Variants in RGS10 observed in about 807,000 individuals in gnomAD.
RGS10 encodes the protein regulator of G protein signaling 10.
A neutral mutation model predicts 23.5 loss-of-function variants in RGS10; 11 were observed. That is an observed-to-expected ratio of 0.47 (90% CI 0.29 to 0.77). The LOEUF (loss-of-function observed/expected upper bound fraction) is 0.77. RGS10 is among the 30% of genes least tolerant of loss of function. RGS10 has a pLI of 0.08. For synonymous variants in RGS10, 77 were observed against 83.2 expected, an observed-to-expected ratio of 0.92 and a Z score of 0.41; for missense variants, 180 against 226.3, an observed-to-expected ratio of 0.80 and a Z score of 1.31.
intron 4 of RGS10, among the ~76,000 whole-genome samples, chr10:119,501,839 A>G (rs904640936): frequency 1.8e-4 from 27 of 152,242 alleles, no homozygotes; most frequent in African/African-American, 6.3e-4. Flanking sequence ...GGAACCCTCA[A>G]ATTTTACACC....
intron 3 of RGS10, among the ~76,000 whole-genome samples, chr10:119,516,922 G>A (rs775838481): frequency 6.6e-6 from 1 of 152,190 alleles, no homozygotes; most frequent in African/African-American, 2.4e-5. Flanking sequence ...TTCTCTGAAC[G>A]TTAGAGTCTA....
chr10:119,534,783 G>A (rs572458342), intron 1 of RGS10, among the ~76,000 whole-genome samples: 5 of 151,660 alleles, frequency 3.3e-5, no homozygotes, highest in East Asian at 1.9e-4. Flanking sequence ...CCAGCTACTC[G>A]GGAGGCTGAA....
intron 4 of RGS10, 76 bp downstream of exon 4, chr10:119,515,433 T>G: frequency 6.4e-7 from 1 of 1,551,184 alleles, no homozygotes; most frequent in Non-Finnish European, 8.9e-7. Context: ...TAACATCGGG[T>G]GTTTCAGTAA....
Position 119,499,943 on chromosome 10 carries a change from T to C in RGS10, c.*170A>G, listed in dbSNP as rs1052453585. ...ATTATTATTCTTTTTTTATGTTAGC[T>C]TAGCCATCATGCAAAATTTACTGGT... is the stretch of plus-strand genomic sequence containing the variant. On this transcript the variant is annotated 3_prime_UTR_variant, in exon 5 of 5. Coordinates refer to ENST00000369103, the MANE Select transcript of RGS10 (RefSeq NM_001005339.2). The C allele has an allele frequency of 8.6e-6, 5 of 582,680 alleles. No individual in the cohort carries two copies. The African/African-American group carries it at 9.5e-5, about 11-fold the overall frequency. The allele number at this position is 582,680 out of a possible 1,614,324, so 36.1% of individuals were successfully genotyped here. A position where few individuals can be genotyped will look rare whatever the true frequency, so the allele number is the denominator to read the frequency against.
chr10:119,501,452 G>A (rs1843952031), intron 4 of RGS10, among the ~76,000 whole-genome samples: 1 of 152,298 alleles, frequency 6.6e-6, no homozygotes, highest in Admixed American at 6.5e-5. Context: ...GCTGGGGGCG[G>A]TGGCTCACAC....
intron 3 of RGS10, among the ~76,000 whole-genome samples, chr10:119,525,597 A>C (rs187665645): frequency 5.4e-4 from 83 of 152,330 alleles, no homozygotes; most frequent in African/African-American, 2.0e-3. Flanking sequence ...TCTCTGCAGG[A>C]TGCTCGCCAA....
intron 1 of RGS10, among the ~76,000 whole-genome samples, chr10:119,537,183 G>A (rs1423232804): frequency 1.3e-5 from 2 of 151,716 alleles, no homozygotes; most frequent in Non-Finnish European, 2.9e-5. Flanking sequence ...ACCTGAGGTC[G>A]GGAGTTTGAG....
intron 3 of RGS10, among the ~76,000 whole-genome samples, chr10:119,520,489 G>A (rs891813339): frequency 6.6e-6 from 1 of 152,152 alleles, no homozygotes; most frequent in African/African-American, 2.4e-5. Context: ...CAGTCAGGTG[G>A]CTCCCCCGCC....
At chr10:119,529,685 C>G (rs1844313849) in intron 1 of RGS10, among the ~76,000 whole-genome samples, 1 of 152,198 alleles carries the variant, frequency 6.6e-6, no homozygotes, top group South Asian at 2.1e-4. Flanking sequence ...ATCTATCAAG[C>G]AAACTACTTC....
rs182144356 is a variant in RGS10 at position 119,518,553 on chromosome 10, G to A, written c.256-2901C>T. On this transcript the variant is annotated intron_variant, in intron 3 of 4. Transcript: ENST00000369103. Reference sequence around the variant, plus strand: ...CCCAGAAGTGCACCTCTATGCAGACGAACAGCAAAGTCACCAGGGGCCCAA... The same window carrying A: ...CCCAGAAGTGCACCTCTATGCAGACAAACAGCAAAGTCACCAGGGGCCCAA... 2.7e-3 allele frequency among the ~76,000 whole-genome samples: 411 copies of A among 151,966 alleles called. 2 individuals are homozygous for A. The highest frequency in any genetic ancestry group is 9.6e-3 in the African/African-American group (396 of 41,280).
At chr10:119,506,062 C>T (rs2133945463) in intron 4 of RGS10, among the ~76,000 whole-genome samples, 1 of 152,214 alleles carries the variant, frequency 6.6e-6, no homozygotes, top group East Asian at 1.9e-4. Flanking sequence ...TCTTCACACA[C>T]ATGGACTACA....
intron 3 of RGS10, among the ~76,000 whole-genome samples, chr10:119,520,372 G>A (rs950939460): frequency 2.4e-4 from 36 of 152,164 alleles, no homozygotes; most frequent in African/African-American, 8.4e-4. Flanking sequence ...TCCGGAGACG[G>A]CAGGAGCTCG....
intron 1 of RGS10, among the ~76,000 whole-genome samples, chr10:119,534,053 A>C (rs1844358426): frequency 6.7e-6 from 1 of 149,404 alleles, no homozygotes; most frequent in Admixed American, 6.7e-5. Flanking sequence ...CCAGGCATTC[A>C]AGACCAGCCT....
chr10:119,518,753 G>A (rs1433394701), intron 3 of RGS10, among the ~76,000 whole-genome samples: 1 of 151,494 alleles, frequency 6.6e-6, no homozygotes, highest in Non-Finnish European at 1.5e-5. Flanking sequence ...CGCCCAGGCT[G>A]GAGTGCAGTG....
At chr10:119,506,701 T>G (rs1452255838) in intron 4 of RGS10, among the ~76,000 whole-genome samples, 2 of 152,120 alleles carry the variant, frequency 1.3e-5, no homozygotes, top group Non-Finnish European at 2.9e-5. Flanking sequence ...CCAAATACTT[T>G]TATTTATTTA....
intron 4 of RGS10, among the ~76,000 whole-genome samples, chr10:119,505,978 G>A (rs902155537): frequency 4.6e-5 from 7 of 152,282 alleles, no homozygotes; most frequent in African/African-American, 1.7e-4. Flanking sequence ...ACTTGGTTTC[G>A]CTTGTATATG....
Position 119,517,950 on chromosome 10 carries a change from C to CT in RGS10, c.256-2299dup, listed in dbSNP as rs759325911. On this transcript the variant is annotated intron_variant, in intron 3 of 4. Transcript: ENST00000369103. This position sits in a 1 kb window ranked among gnomAD's most constrained non-coding sequence, Gnocchi z 5.0. ...CTGACCAGATGCCCACTGTGAGCAG[C>CT]TGCAGGGCTCAGCTTATCTCGGCGG... is the stretch of plus-strand genomic sequence containing the variant. Among the ~76,000 whole-genome samples the CT allele has an allele frequency of 1.3e-5, 2 of 152,034 alleles. No homozygotes were observed. Among genetic ancestry groups the CT allele is most frequent in the Non-Finnish European group, 2.9e-5 (2 of 68,008 alleles).
chr10:119,515,398 C>T (rs1844130453), intron 4 of RGS10, 111 bp downstream of exon 4: 26 of 1,325,256 alleles, frequency 2.0e-5, no homozygotes, highest in East Asian at 4.8e-5. Context: ...TCTGCCCGGC[C>T]GTATGAGATG....
chr10:119,540,902 G>A (rs1844429447), intron 1 of RGS10, among the ~76,000 whole-genome samples: 1 of 152,184 alleles, frequency 6.6e-6, no homozygotes, highest in African/African-American at 2.4e-5. Flanking sequence ...ATAACCCTAT[G>A]AAACCCACTT....
Sources: allele counts gnomAD v4.1 joint callset (sites outside exome capture counted in the v4.1 genomes callset), GRCh38; gene constraint gnomAD v4.1.1; non-coding constraint Gnocchi (gnomAD v3.1); transcripts MANE v1.5; gene names NCBI Gene and HGNC (gene_info 2026-07-23, HGNC 2026-07-21).